Variants in MBP observed in about 807,000 individuals in gnomAD.
MBP encodes Golli-MBP.
MBP carries 16 observed loss-of-function variants against 35.8 expected under a neutral mutation model. That is an observed-to-expected ratio of 0.45 (90% confidence interval 0.30 to 0.68). The LOEUF is 0.68. Among genes scored for constraint, MBP ranks in the 30% least tolerant of loss-of-function variants. MBP has a pLI of 0.08. For missense variants in MBP, 380 were observed against 404.7 expected (o/e 0.94, Z 0.52); for synonymous variants, 143 against 159.6 (o/e 0.90, Z 0.78).
rs548641532 is a variant in MBP, at chr18:77,075,072, T to TG, written c.52-8688dup. Among the ~76,000 whole-genome samples, 14 of 152,340 alleles carry TG rather than the reference T, an allele frequency of 9.2e-5. No homozygotes were observed. The East Asian group carries it at 2.3e-3, about 25-fold the overall frequency. On this transcript the variant is annotated intron_variant, in intron 2 of 8. Coordinates refer to ENST00000355994, the MANE Select transcript of MBP (RefSeq NM_001025101.2). ...ATAAAAGCCTATCTGATAGAGCTTC[T>TG]GAGATCTCAATCCCTCCTCTCCAAG... is the stretch of plus-strand genomic sequence containing the variant.
At chr18:77,095,023 T>C (rs1356521182) in intron 2 of MBP, among the ~76,000 whole-genome samples, 1 of 152,206 alleles carries the variant, frequency 6.6e-6, no homozygotes, top group East Asian at 1.9e-4. Context: ...AAATGCGAGC[T>C]GTGACCACGT....
Position 77,084,426 on chromosome 18 carries a change from CCACACCACACACACA to C in MBP, c.52-18056_52-18042del, listed in dbSNP as rs1216930729. Reference sequence around the variant, plus strand: ...TCACAACACCGCCCCCCCCGCCACACCACACCACACACACACACACACACACACACACACACACAC... The same window carrying C: ...TCACAACACCGCCCCCCCCGCCACACCACACACACACACACACACACACAC... On this transcript the variant is annotated intron_variant, in intron 2 of 8. Coordinates refer to ENST00000355994, the MANE Select transcript of MBP (RefSeq NM_001025101.2). 1.6e-3 allele frequency among the ~76,000 whole-genome samples: 95 copies of C among 58,512 alleles called. 2 individuals are homozygous for C. The highest frequency in any genetic ancestry group is 4.4e-3 in the African/African-American group (71 of 16,112). 38.4% of individuals were successfully genotyped at this position (58,512 alleles called of 152,430 possible). A position where few individuals can be genotyped will look rare whatever the true frequency, so the allele number is the denominator to read the frequency against.
Position 77,044,253 on chromosome 18 carries a change from T to C in MBP, c.139+22045A>G. On this transcript the variant is annotated intron_variant, in intron 3 of 8. Transcript: ENST00000355994. This position sits in a 1 kb window ranked among gnomAD's most constrained non-coding sequence, Gnocchi z 4.4. ...CCATGTCCCCCTGTGGATGCTGCAATGCCCAGCACCACACTGGTGGCTCAA... is the reference window on the plus strand; with the variant it reads ...CCATGTCCCCCTGTGGATGCTGCAACGCCCAGCACCACACTGGTGGCTCAA... Among the ~76,000 whole-genome samples the C allele has an allele frequency of 6.6e-6, 1 of 152,122 alleles. No homozygotes were observed.
rs189590247 is a variant in MBP, at chr18:77,009,743, G to C, written c.576+7089C>G. ...CACAGATGCCCCGGAGGCTGGGGGTGGGCCCCTGGCAGTGACACTACCTGC... is the reference window on the plus strand; with the variant it reads ...CACAGATGCCCCGGAGGCTGGGGGTCGGCCCCTGGCAGTGACACTACCTGC... On this transcript the variant is annotated intron_variant, in intron 4 of 8. Transcript: ENST00000355994. 99 of 993,246 alleles carry C rather than the reference G, an allele frequency of 1.0e-4. No homozygotes were observed. The African/African-American group carries it at 1.2e-3, about 12-fold the overall frequency. 61.5% of individuals were successfully genotyped at this position (993,246 alleles called of 1,614,324 possible). A position where few individuals can be genotyped will look rare whatever the true frequency, so the allele number is the denominator to read the frequency against.
chr18:77,066,080 C>A (rs1240323241), intron 3 of MBP: 16 of 503,354 alleles, frequency 3.2e-5, no homozygotes. Context: ...CCGGGCTGGT[C>A]TTGAGCTCCT....
At chr18:77,026,401 A>C (rs1972225610) in intron 3 of MBP, among the ~76,000 whole-genome samples, 1 of 152,244 alleles carries the variant, frequency 6.6e-6, no homozygotes, top group Non-Finnish European at 1.5e-5. Flanking sequence ...ATAACGAATA[A>C]AACTAGAATA....
At chr18:77,104,768 C>T (rs993738790) in intron 2 of MBP, among the ~76,000 whole-genome samples, 1 of 152,090 alleles carries the variant, frequency 6.6e-6, no homozygotes, top group Non-Finnish European at 1.5e-5. Flanking sequence ...TGCATCAGAA[C>T]AAAGGAATTT....
intron 3 of MBP, among the ~76,000 whole-genome samples, chr18:77,059,827 G>A (rs557784092): frequency 6.6e-6 from 1 of 152,328 alleles, no homozygotes; most frequent in South Asian, 2.1e-4. Context: ...GTATGCAAAT[G>A]CAATAACCAA....
At chr18:77,129,757 C>T (rs1446742354) in intron 1 of MBP, among the ~76,000 whole-genome samples, 4 of 152,114 alleles carry the variant, frequency 2.6e-5, no homozygotes, top group African/African-American at 4.8e-5. Context: ...AGGCCAGGCG[C>T]GGTGGCTCAT....
intron 1 of MBP, among the ~76,000 whole-genome samples, chr18:77,118,863 T>C (rs1368904165): frequency 2.2e-5 from 3 of 137,618 alleles, no homozygotes; most frequent in Non-Finnish European, 3.1e-5. Flanking sequence ...ACACACACAC[T>C]CCACAGACAC....
chr18:77,016,872 A>C lies in MBP; in HGVS notation c.536T>G (p.Phe179Cys). 1.9e-6 allele frequency: 3 copies of C among 1,614,230 alleles called. No homozygotes were observed. Among genetic ancestry groups the C allele is most frequent in the Non-Finnish European group, 2.5e-6 (3 of 1,180,044 alleles). ...CTTGGGCGCACCCCTGTCACCGCCA[A>C]AGAAGCGCCCGATGGAGTCAAGGAT... ...TGILDSIGRF[F>C]GGDRGAPKRG... The change falls in exon 4 of 9, where the codon TTT (phenylalanine) becomes TGT (cysteine). Residue 179 changes from phenylalanine to cysteine, a missense_variant. Transcript: ENST00000355994.
At chr18:76,991,091 G>A (rs1454929859) in intron 4 of MBP, among the ~76,000 whole-genome samples, 1 of 152,184 alleles carries the variant, frequency 6.6e-6, no homozygotes, top group African/African-American at 2.4e-5. Flanking sequence ...AACAGCATGA[G>A]GCAGGCAGCT....
chr18:77,065,088 C>T (rs1203859588), intron 3 of MBP, among the ~76,000 whole-genome samples: 1 of 152,170 alleles, frequency 6.6e-6, no homozygotes, highest in African/African-American at 2.4e-5. Context: ...CATGGTCAGT[C>T]ACTCATAGGG....
At position 77,020,137 on chromosome 18, in the gene MBP, T is replaced by C. The variant is rs550436458; in HGVS notation, c.140-2869A>G. Among the ~76,000 whole-genome samples, 88 of 151,896 alleles carry C rather than the reference T, an allele frequency of 5.8e-4. No homozygotes were observed. The highest frequency in any genetic ancestry group is 4.4e-4 in the Non-Finnish European group (30 of 67,920). ...CCTCTGTGGAGGGATATGATGGAGA[T>C]GGTGGTACCCAGAGGCCGGGGGCAC... is the stretch of plus-strand genomic sequence containing the variant. On this transcript the variant is annotated intron_variant, in intron 3 of 8. Transcript: ENST00000355994. This position sits in a 1 kb window ranked among gnomAD's most constrained non-coding sequence, Gnocchi z 4.1.
chr18:77,003,619 A>G (rs1356835984), intron 4 of MBP: 1 of 152,240 alleles, frequency 6.6e-6, no homozygotes, highest in East Asian at 1.9e-4. Flanking sequence ...GAACAGAGGT[A>G]TATTTGATAT....
chr18:77,033,951 C>T (rs1044161259), intron 3 of MBP, among the ~76,000 whole-genome samples: 11 of 151,580 alleles, frequency 7.3e-5, no homozygotes, highest in Non-Finnish European at 1.6e-4. Context: ...CCCACTAATC[C>T]TCACCCTGAC....
chr18:77,112,163 G>GCACACGCGCACACACA (rs1555730783), intron 1 of MBP, among the ~76,000 whole-genome samples: 3 of 48,774 alleles, frequency 6.2e-5, no homozygotes, highest in African/African-American at 1.4e-4. Context: ...TGAACACCGT[G>GCACACGCGCACACACA]CACACGCACA....
intron 8 of MBP, 161 bp downstream of exon 8, chr18:76,984,613 TG>T: frequency 2.3e-6 from 2 of 861,050 alleles, no homozygotes; most frequent in South Asian, 1.7e-5. Flanking sequence ...TAAATGCGGG[TG>T]GGCAATGCCA....
At chr18:76,983,318 A>C (rs1969324078) in intron 8 of MBP, 1 of 152,248 alleles carries the variant, frequency 6.6e-6, no homozygotes, top group African/African-American at 2.4e-5. Flanking sequence ...GCCCTTGGAC[A>C]TTCTGACTCA....
Sources: gnomAD v4.1 joint callset for allele counts (sites outside exome capture counted in the v4.1 genomes callset) on GRCh38, gnomAD v4.1.1 for gene constraint, Gnocchi (gnomAD v3.1) non-coding constraint, MANE v1.5 for transcripts, NCBI Gene and HGNC (gene_info 2026-07-23, HGNC 2026-07-21) for gene names.